Variants in KIT observed in about 807,000 individuals in gnomAD.
The protein encoded by KIT is KIT proto-oncogene, receptor tyrosine kinase.
KIT carries 16 observed loss-of-function variants against 105.7 expected under a neutral mutation model. The ratio of observed to expected loss-of-function variants is 0.15; its 90% CI spans 0.10 to 0.23. KIT has a LOEUF of 0.23. Ranked by LOEUF, KIT falls within the 10% of genes least tolerant of loss-of-function variation. The pLI is 1.00. For missense variants in KIT, 858 were observed against 1,213.8 expected (o/e 0.71, Z 4.36); for synonymous variants, 438 against 441.1 (o/e 0.99, Z 0.09).
In KIT at chr4:54,658,224, G is replaced by A. The variant is rs1716960858; in HGVS notation, c.67+143G>A. Reference sequence around the variant, plus strand: ...CGTTCCAGCCTCCGGGGAGACTCCAGGTGGCCCTCGGACTCTCCGGCGCCC... The same window carrying A: ...CGTTCCAGCCTCCGGGGAGACTCCAAGTGGCCCTCGGACTCTCCGGCGCCC... On this transcript the variant is annotated intron_variant, in intron 1 of 20. Transcript: ENST00000288135. 8.5e-6 allele frequency: 7 copies of A among 824,030 alleles called. No individual in the cohort carries two copies. In the South Asian group the frequency reaches 8.7e-5, roughly 10 times the overall value. 51.0% of individuals were successfully genotyped at this position (824,030 alleles called of 1,614,324 possible).
chr4:54,681,906 G>C (rs1248058190), intron 1 of KIT, among the ~76,000 whole-genome samples: 1 of 151,934 alleles, frequency 6.6e-6, no homozygotes. Flanking sequence ...TGGGCATGGT[G>C]GCGGAGGTTG....
chr4:54,661,014 C>T (rs748539639), intron 1 of KIT, among the ~76,000 whole-genome samples: 23 of 152,096 alleles, frequency 1.5e-4, no homozygotes, highest in Non-Finnish European at 3.1e-4. Context: ...GGAGGAAGGG[C>T]TGTAGGCATT....
rs972899721 is a variant in KIT at position 54,677,998 on chromosome 4, G to T, written c.68-17514G>T. On this transcript the variant is annotated intron_variant, in intron 1 of 20. Transcript: ENST00000288135. The stretch of plus-strand genomic sequence containing the variant: ...AATCTGTTCACTATTTTATTTGCAC[G>T]TTGATTGATGTGTGGTTTTTGTTTT... Among the ~76,000 whole-genome samples, 5 of 152,310 alleles carry T rather than the reference G, an allele frequency of 3.3e-5. No individual in the cohort carries two copies. The South Asian group carries it at 8.3e-4, about 25-fold the overall frequency.
intron 1 of KIT, among the ~76,000 whole-genome samples, chr4:54,670,293 T>C (rs1255101865): frequency 6.6e-6 from 1 of 152,180 alleles, no homozygotes; most frequent in Non-Finnish European, 1.5e-5. Context: ...TTTTTAAAAT[T>C]CATTCATGTT....
rs184343687 is a variant in KIT, at chr4:54,729,669, A to G, written c.2141+184A>G. 1.2e-4 allele frequency among the ~76,000 whole-genome samples: 18 copies of G among 152,328 alleles called. No homozygotes were observed. In the East Asian group the frequency reaches 2.5e-3, roughly 21 times the overall value. ...GTTAAATTGTGTTTTTAAAGATTCA[A>G]ACCTAGATTTTTGCTGATTTTTTAA... On this transcript the variant is annotated intron_variant, in intron 14 of 20. Coordinates refer to ENST00000288135, the MANE Select transcript of KIT (RefSeq NM_000222.3).
intron 7 of KIT, 71 bp downstream of exon 7, chr4:54,709,610 C>G (rs1418367435): frequency 1.1e-6 from 1 of 905,014 alleles, no homozygotes; most frequent in South Asian, 1.3e-5. Context: ...GTAACAGCTG[C>G]AAGGACTCAA....
intron 1 of KIT, among the ~76,000 whole-genome samples, chr4:54,693,101 G>A (rs1041066937): frequency 3.9e-5 from 6 of 152,092 alleles, no homozygotes; most frequent in African/African-American, 1.2e-4. Flanking sequence ...CTCTATTTCT[G>A]TCTTGTACTG....
chr4:54,735,995 G>A lies in KIT; in HGVS notation c.2485-503G>A, dbSNP rs56695663. Among the ~76,000 whole-genome samples, 1,302 of 152,216 alleles carry A rather than the reference G, an allele frequency of 8.6e-3. 14 individuals are homozygous for A. Among genetic ancestry groups the A allele is most frequent in the African/African-American group, 0.029 (1,201 of 41,544 alleles). ...CTAGAGAAGAGAGGGCAGAGGGCAC[G>A]TGCCAGCTATATTGTAAGGAGGTTT... is the stretch of plus-strand genomic sequence containing the variant. On this transcript the variant is annotated intron_variant, in intron 17 of 20. Transcript: ENST00000288135.
At chr4:54,662,974 CT>C (rs752932450) in intron 1 of KIT, among the ~76,000 whole-genome samples, 4 of 149,872 alleles carry the variant, frequency 2.7e-5, no homozygotes, top group East Asian at 1.9e-4. Context: ...AGATCTTGAA[CT>C]TTTTTTTTCT....
intron 1 of KIT, among the ~76,000 whole-genome samples, chr4:54,685,658 CG>C (rs1719260499): frequency 1.3e-5 from 2 of 152,184 alleles, no homozygotes; most frequent in African/African-American, 4.8e-5. Context: ...AGGAGGCCTC[CG>C]GGGGTTCTGC....
chr4:54,723,837 T>C, intron 8 of KIT, 139 bp downstream of exon 8: 1 of 683,484 alleles, frequency 1.5e-6, no homozygotes. Context: ...TGTGGCTTTT[T>C]AGAAGGGATA....
intron 1 of KIT, among the ~76,000 whole-genome samples, chr4:54,682,909 A>T (rs909144309): frequency 2.0e-5 from 3 of 151,534 alleles, no homozygotes; most frequent in African/African-American, 4.9e-5. Context: ...GCTACACCAC[A>T]CCTGGCTAAA....
chr4:54,727,696 A>T, intron 11 of KIT, 127 bp from the exon 12 acceptor site: 1 of 1,282,912 alleles, frequency 7.8e-7, no homozygotes, highest in Admixed American at 1.8e-5. Context: ...CATAGAGAAC[A>T]TCGTAGGAAA....
At chr4:54,682,250 T>C (rs2703464) in intron 1 of KIT, among the ~76,000 whole-genome samples, 96,563 of 151,340 alleles carry the variant, frequency 0.64, 32,690 homozygotes, top group African/African-American at 0.88. Flanking sequence ...CCACCATGCC[T>C]GACTAATTTT....
At chr4:54,661,352 T>C (rs1717254791) in intron 1 of KIT, among the ~76,000 whole-genome samples, 1 of 151,754 alleles carries the variant, frequency 6.6e-6, no homozygotes, top group South Asian at 2.1e-4. Flanking sequence ...TGTACAGATG[T>C]TGTGGTGGTG....
At position 54,695,637 on chromosome 4, in the gene KIT, A is replaced by T. The variant is rs1407600939; in HGVS notation, c.193A>T (p.Lys65Ter). ...GTTATGCACTGATCCGGGCTTTGTC[A>T]AATGGACTTTTGAGATCCTGGATGA... ...RLLCTDPGFV[K>*]WTFEILDETN... is the part of the protein sequence containing the mutation. The change falls in exon 2 of 21, where the codon AAA (lysine) becomes TAA (stop). Residue 65 changes from lysine to a stop codon, truncating the protein, a stop_gained. Coordinates refer to ENST00000288135, the MANE Select transcript of KIT (RefSeq NM_000222.3). LOFTEE classifies it high-confidence loss of function. 6.2e-7 allele frequency: 1 copy of T among 1,614,264 alleles called. No homozygotes were observed. Among genetic ancestry groups the T allele is most frequent in the Non-Finnish European group, 8.5e-7 (1 of 1,180,042 alleles).
intron 4 of KIT, among the ~76,000 whole-genome samples, chr4:54,702,460 T>G (rs747656028): frequency 6.6e-6 from 1 of 152,158 alleles, no homozygotes; most frequent in Non-Finnish European, 1.5e-5. Context: ...CTACCAGATT[T>G]CAAATGCTTA....
chr4:54,674,118 C>A (rs1408007421), intron 1 of KIT, among the ~76,000 whole-genome samples: 1 of 152,126 alleles, frequency 6.6e-6, no homozygotes, highest in African/African-American at 2.4e-5. Context: ...ACTCTACTTT[C>A]CTATATCCTA....
chr4:54,678,290 CTCCT>C (rs55800200), intron 1 of KIT, among the ~76,000 whole-genome samples: 5,099 of 101,492 alleles, frequency 0.05, 436 homozygotes, highest in Middle Eastern at 0.077. Flanking sequence ...GGCTGGCTCG[CTCCT>C]TCCTTCCTTC....
Sources: allele counts gnomAD v4.1 joint callset (sites outside exome capture counted in the v4.1 genomes callset), GRCh38; gene constraint gnomAD v4.1.1; transcripts MANE v1.5; gene names NCBI Gene and HGNC (gene_info 2026-07-23, HGNC 2026-07-21).